The following STK38L variants were observed in gnomAD, a reference collection of about 807,000 sequenced individuals.
STK38L encodes the protein serine/threonine kinase 38 like.
In STK38L, 28 loss-of-function variants were observed where a neutral mutation model predicts 59.7. The observed-to-expected ratio is 0.47, with a 90% CI of 0.35 to 0.64. STK38L has a LOEUF of 0.64. STK38L is among the 30% of genes least tolerant of loss of function. The pLI is 0.01. For synonymous variants in STK38L, 162 were observed against 176.8 expected, an observed-to-expected ratio of 0.92 and a Z score of 0.66; for missense variants, 314 against 555.8, an observed-to-expected ratio of 0.56 and a Z score of 4.37.
At chr12:27,294,543 T>A (rs1224181365) in intron 1 of STK38L, among the ~76,000 whole-genome samples, 1 of 151,390 alleles carries the variant, frequency 6.6e-6, no homozygotes, top group African/African-American at 2.4e-5. Flanking sequence ...AGTCTTATAG[T>A]AAGAAACTTA....
chr12:27,286,720 T>A (rs1943781026), intron 1 of STK38L, among the ~76,000 whole-genome samples: 1 of 152,164 alleles, frequency 6.6e-6, no homozygotes, highest in South Asian at 2.1e-4. Flanking sequence ...ATAAAAAATA[T>A]CTCTATGGTT....
At position 27,317,882 on chromosome 12, in the gene STK38L, T is replaced by C; in HGVS notation, c.956-14T>C. The stretch of plus-strand genomic sequence containing the variant: ...CAAAGCTGATGAAACATTTTTGATT[T>C]ATTTGATACATAGGATATCCACCTT... On this transcript the variant is annotated splice_polypyrimidine_tract_variant and intron_variant, in intron 10 of 13. Transcript: ENST00000389032. 3 of 1,611,250 alleles carry C rather than the reference T, an allele frequency of 1.9e-6. No individual in the cohort carries two copies. The highest frequency in any genetic ancestry group is 8.5e-7 in the Non-Finnish European group (1 of 1,179,224).
intron 1 of STK38L, among the ~76,000 whole-genome samples, chr12:27,284,610 G>A (rs572562261): frequency 6.6e-6 from 1 of 152,278 alleles, no homozygotes; most frequent in African/African-American, 2.4e-5. Context: ...GTTTGCCAGT[G>A]TGCTTACTTG....
At chr12:27,244,570 C>A (rs973508695) in intron 1 of STK38L, among the ~76,000 whole-genome samples, 2 of 152,198 alleles carry the variant, frequency 1.3e-5, no homozygotes, top group Non-Finnish European at 2.9e-5. Flanking sequence ...GGGGAGGAAT[C>A]TTTGTCCTCT....
chr12:27,253,264 C>G (rs1943015916), intron 1 of STK38L, among the ~76,000 whole-genome samples: 1 of 152,166 alleles, frequency 6.6e-6, no homozygotes, highest in Non-Finnish European at 1.5e-5. Context: ...ACTTCACCAC[C>G]TGTTCAACTT....
intron 1 of STK38L, among the ~76,000 whole-genome samples, chr12:27,246,194 G>A (rs1175023791): frequency 1.3e-5 from 2 of 152,190 alleles, no homozygotes; most frequent in Non-Finnish European, 2.9e-5. Context: ...CAAAGCAATG[G>A]ACTCAGTTCA....
intron 3 of STK38L, among the ~76,000 whole-genome samples, chr12:27,303,240 T>C (rs1018299079): frequency 2.0e-5 from 3 of 151,828 alleles, no homozygotes; most frequent in African/African-American, 7.3e-5. Context: ...TAGCTGGGCA[T>C]GGTGGTACGT....
At chr12:27,282,260 A>G (rs1943676568) in intron 1 of STK38L, among the ~76,000 whole-genome samples, 1 of 152,220 alleles carries the variant, frequency 6.6e-6, no homozygotes, top group African/African-American at 2.4e-5. Flanking sequence ...TAATAAATAT[A>G]GTTCCTGCAT....
chr12:27,246,321 G>C (rs1464341371), intron 1 of STK38L, among the ~76,000 whole-genome samples: 2 of 66,782 alleles, frequency 3.0e-5, no homozygotes, highest in East Asian at 3.8e-3. Flanking sequence ...ATAAGTTGGA[G>C]GCTCTTTTGT....
intron 3 of STK38L, among the ~76,000 whole-genome samples, chr12:27,303,301 C>A (rs2136641822): frequency 1.3e-5 from 2 of 152,112 alleles, no homozygotes; most frequent in Admixed American, 1.3e-4. Context: ...ATCACCTGAG[C>A]CTGAGAGTTT....
intron 12 of STK38L, 41 bp from the exon 13 acceptor site, chr12:27,322,102 T>C (rs777731667): frequency 6.4e-7 from 1 of 1,552,302 alleles, no homozygotes; most frequent in South Asian, 1.2e-5. Flanking sequence ...AAATTGAGAG[T>C]TCAAGAAAAG....
At chr12:27,270,365 C>T (rs759470387) in intron 1 of STK38L, among the ~76,000 whole-genome samples, 27 of 151,826 alleles carry the variant, frequency 1.8e-4, no homozygotes, top group Non-Finnish European at 3.5e-4. Context: ...GCCACCACAC[C>T]CAGCTGATTG....
chr12:27,321,716 T>C (rs143988225), intron 12 of STK38L, among the ~76,000 whole-genome samples: 30 of 152,290 alleles, frequency 2.0e-4, no homozygotes, highest in African/African-American at 5.3e-4. Flanking sequence ...TAAGACCTAT[T>C]ACTTGATAGC....
In STK38L at chr12:27,323,071, A is replaced by G. The variant is rs1944768163; in HGVS notation, c.*616A>G. 1 of 152,212 alleles carries G rather than the reference A, an allele frequency of 6.6e-6. No homozygotes were observed. The highest frequency in any genetic ancestry group is 1.5e-5 in the Non-Finnish European group (1 of 68,018). The allele number at this position is 152,212 out of a possible 1,614,324, so 9.4% of individuals were successfully genotyped here. The stretch of plus-strand genomic sequence containing the variant: ...AAGTTATTACACAAACTTCACAGTA[A>G]GGAGTGACAAGTTTATAATAAGGAA... On this transcript the variant is annotated 3_prime_UTR_variant, in exon 14 of 14. Coordinates refer to ENST00000389032, the MANE Select transcript of STK38L (RefSeq NM_015000.4).
chr12:27,278,532 A>G (rs11048961), intron 1 of STK38L, among the ~76,000 whole-genome samples: 14,268 of 152,160 alleles, frequency 0.094, 1,156 homozygotes, highest in African/African-American at 0.23. Context: ...ATTGCTTGGT[A>G]CATTGATAGG....
intron 8 of STK38L, 63 bp from the exon 9 acceptor site, chr12:27,315,226 G>A (rs1192512898): frequency 1.9e-6 from 3 of 1,584,824 alleles, no homozygotes; most frequent in Non-Finnish European, 2.6e-6. Context: ...AGATGTATAT[G>A]TATTTTCTTT....
intron 3 of STK38L, among the ~76,000 whole-genome samples, chr12:27,304,990 GACATGCCACTTTTC>G (rs2066039049): frequency 6.6e-6 from 1 of 152,018 alleles, no homozygotes; most frequent in Non-Finnish European, 1.5e-5. Context: ...TGTTGGCAAA[GACATGCCACTTTTC>G]ACATTGCTGT....
chr12:27,311,014 C>T (rs1591933494), intron 5 of STK38L, among the ~76,000 whole-genome samples: 1 of 152,198 alleles, frequency 6.6e-6, no homozygotes, highest in African/African-American at 2.4e-5. Flanking sequence ...TAAATACCAA[C>T]TGATCTCCTC....
intron 3 of STK38L, among the ~76,000 whole-genome samples, chr12:27,302,749 G>A (rs1244464772): frequency 1.3e-5 from 2 of 151,990 alleles, no homozygotes; most frequent in Admixed American, 6.6e-5. Flanking sequence ...GGCCGGGCGC[G>A]GTAGCTCACA....
Sources: allele counts gnomAD v4.1 joint callset (sites outside exome capture counted in the v4.1 genomes callset), GRCh38; gene constraint gnomAD v4.1.1; transcripts MANE v1.5; gene names NCBI Gene and HGNC (gene_info 2026-07-23, HGNC 2026-07-21).